The following AKAP12 variants were observed in gnomAD, a reference collection of about 807,000 sequenced individuals.
AKAP12 encodes the protein A-kinase anchor protein 12.
In AKAP12, 32 loss-of-function variants were observed where a neutral mutation model predicts 79.9. That is an observed-to-expected ratio of 0.40 (90% CI 0.30 to 0.54). The LOEUF is 0.54. Ranked by LOEUF, AKAP12 falls within the 20% of genes least tolerant of loss-of-function variation. The pLI, the probability that AKAP12 is intolerant of heterozygous loss-of-function variation, is 0.48. For missense variants in AKAP12, 2,074 were observed against 2,177.0 expected (o/e 0.95, Z 0.94); for synonymous variants, 808 against 857.0 (o/e 0.94, Z 1.00).
chr6:151,293,121 A>G (rs1562724607), intron 2 of AKAP12, among the ~76,000 whole-genome samples: 1 of 151,838 alleles, frequency 6.6e-6, no homozygotes, highest in Non-Finnish European at 1.5e-5. Context: ...TTTCTGTGGC[A>G]CACAGTGGAT....
At chr6:151,329,262 C>T (rs965166576) in intron 3 of AKAP12, among the ~76,000 whole-genome samples, 11 of 152,158 alleles carry the variant, frequency 7.2e-5, no homozygotes, top group South Asian at 2.1e-4. Flanking sequence ...ATTACAGGCA[C>T]CTGCCACCAC....
intron 2 of AKAP12, among the ~76,000 whole-genome samples, chr6:151,302,617 C>T (rs376399341): frequency 1.3e-5 from 2 of 151,666 alleles, no homozygotes; most frequent in African/African-American, 4.8e-5. Flanking sequence ...CTTGGTAGAA[C>T]CCTAAACTCT....
intron 2 of AKAP12, among the ~76,000 whole-genome samples, chr6:151,292,554 C>G (rs1776644165): frequency 6.6e-6 from 1 of 152,214 alleles, no homozygotes; most frequent in Non-Finnish European, 1.5e-5. Context: ...ACCTCAGATT[C>G]AACCAACCAA....
chr6:151,306,614 A>G (rs1465287011), intron 3 of AKAP12, among the ~76,000 whole-genome samples: 1 of 152,214 alleles, frequency 6.6e-6, no homozygotes, highest in Non-Finnish European at 1.5e-5. Context: ...TTCGTGTAAT[A>G]TGAATAAGAG....
chr6:151,340,016 T>C (rs1391765661), intron 3 of AKAP12, among the ~76,000 whole-genome samples: 1 of 152,006 alleles, frequency 6.6e-6, no homozygotes, highest in African/African-American at 2.4e-5. Context: ...GAGCCCCGTC[T>C]CCCGGGTTCA....
chr6:151,240,645 G>A lies in AKAP12; in HGVS notation c.83G>A (p.Ser28Asn). The stretch of plus-strand genomic sequence containing the variant: ...TCCACGCCGGCTGAGCCCGAGCCCA[G>A]CGGCGGCGGCCCCTCGGCCGAGGCG... ...GSSTPAEPEP[S>N]GGGPSAEAAP... The change falls in exon 2 of 5, where the codon AGC becomes AAC. Residue 28 changes from serine (S) to asparagine (N), a missense_variant. By Grantham distance (46) the Ser-to-Asn change is conservative. Coordinates refer to ENST00000402676, the MANE Select transcript of AKAP12 (RefSeq NM_005100.4). 1 of 1,339,264 alleles carries A rather than the reference G, an allele frequency of 7.5e-7. No individual in the cohort carries two copies. The highest frequency in any genetic ancestry group is 1.9e-5 in the South Asian group (1 of 52,708). The allele number at this position is 1,339,264 out of a possible 1,614,324, so 83.0% of individuals were successfully genotyped here. A position where few individuals can be genotyped will look rare whatever the true frequency, so the allele number is the denominator to read the frequency against.
chr6:151,279,151 G>A (rs1206973793), intron 2 of AKAP12, among the ~76,000 whole-genome samples: 2 of 151,886 alleles, frequency 1.3e-5, no homozygotes, highest in Non-Finnish European at 2.9e-5. Context: ...TGGCCTGGAG[G>A]GCTCACACCC....
intron 2 of AKAP12, among the ~76,000 whole-genome samples, chr6:151,281,841 C>T (rs944572728): frequency 3.3e-5 from 5 of 151,776 alleles, no homozygotes; most frequent in African/African-American, 4.8e-5. Context: ...CTACACCATA[C>T]CCTCCCTTCC....
chr6:151,247,107 A>G (rs942826935), intron 2 of AKAP12, among the ~76,000 whole-genome samples: 4 of 151,584 alleles, frequency 2.6e-5, no homozygotes, highest in South Asian at 4.2e-4. Context: ...TAATTTTTAA[A>G]GATTTTTTTT....
rs1194538241 is a variant in AKAP12, at chr6:151,353,457, A to C, written c.5066A>C (p.Glu1689Ala). The change falls in exon 4 of 5, where the codon GAG (glutamate) becomes GCG (alanine). Residue 1689 changes from glutamate to alanine, a missense_variant. This residue lies in a region of AKAP12 where 614 missense variants were observed against 665.6 expected (regional missense o/e 0.92). Coordinates refer to ENST00000402676, the MANE Select transcript of AKAP12 (RefSeq NM_005100.4). ...CATGCCTTGTTAGCAGAAAGAATAG[A>C]GAAGTCACTAGTTGAACCGAAAGAA... is the stretch of plus-strand genomic sequence containing the variant. ...DGHALLAERIEKSLVEPKEDE... is the reference protein window; with the variant it reads ...DGHALLAERIAKSLVEPKEDE... 1.2e-6 allele frequency: 2 copies of C among 1,614,204 alleles called. No homozygotes were observed. Among genetic ancestry groups the C allele is most frequent in the East Asian group, 2.2e-5 (1 of 44,884 alleles).
At chr6:151,300,721 CTT>C (rs201751693) in intron 2 of AKAP12, among the ~76,000 whole-genome samples, 1 of 141,550 alleles carries the variant, frequency 7.1e-6, no homozygotes, top group African/African-American at 2.6e-5. Context: ...TTTTTAGGGT[CTT>C]TTTTTTTTTT....
rs201684944 is a variant in AKAP12, at chr6:151,350,807, T to G, written c.2416T>G (p.Ser806Ala). 6.2e-7 allele frequency: 1 copy of G among 1,613,930 alleles called. No individual in the cohort carries two copies. The highest frequency in any genetic ancestry group is 1.3e-5 in the African/African-American group (1 of 74,910). ...ACCCGGTAAAGAAGAATCCTGGGTC[T>G]CAATCAAGAAGTTTATTCCTGGACG... Reference protein sequence around the residue: ...TEPGKEESWVSIKKFIPGRRK... With the variant: ...TEPGKEESWVAIKKFIPGRRK... The change falls in exon 4 of 5, where the codon TCA becomes GCA. Residue 806 changes from serine to alanine, a missense_variant. By Grantham distance (99) the Ser-to-Ala change is moderately conservative. Transcript: ENST00000402676. This position sits in a 1 kb window ranked among gnomAD's most constrained non-coding sequence, Gnocchi z 4.8.
intron 3 of AKAP12, among the ~76,000 whole-genome samples, chr6:151,336,027 T>G (rs1777803637): frequency 6.6e-6 from 1 of 152,238 alleles, no homozygotes; most frequent in African/African-American, 2.4e-5. Flanking sequence ...CATTTTACTT[T>G]CTGTTTCTGA....
chr6:151,329,149 C>G (rs1462197450), intron 3 of AKAP12, among the ~76,000 whole-genome samples: 1 of 151,930 alleles, frequency 6.6e-6, no homozygotes, highest in Non-Finnish European at 1.5e-5. Flanking sequence ...AAGTCTCACT[C>G]TGTCACCCAG....
At chr6:151,344,528 T>C (rs1333411764) in intron 3 of AKAP12, among the ~76,000 whole-genome samples, 1 of 152,122 alleles carries the variant, frequency 6.6e-6, no homozygotes, top group Non-Finnish European at 1.5e-5. Flanking sequence ...TTGTTGTTGT[T>C]GTTGTTGTCT....
chr6:151,278,986 T>G (rs1187040481), intron 2 of AKAP12, among the ~76,000 whole-genome samples: 1 of 152,252 alleles, frequency 6.6e-6, no homozygotes, highest in African/African-American at 2.4e-5. Flanking sequence ...AGTTCTTAAC[T>G]TAGCATAGAA....
rs1778200795 is a variant in AKAP12 at position 151,349,111 on chromosome 6, A to G, written c.720A>G (p.Glu240=). ...CCAAACAATCTACAGAGAAACCCGA[A>G]GAGACCCTGAAGCGTGAGCAAAGCC... ...SEPKQSTEKP[E]ETLKREQSHA... The change falls in exon 4 of 5, where the codon GAA becomes GAG. Residue 240 remains glutamate (E), a synonymous_variant. Coordinates refer to ENST00000402676, the MANE Select transcript of AKAP12 (RefSeq NM_005100.4). 1 of 1,613,164 alleles carries G rather than the reference A, an allele frequency of 6.2e-7. No individual in the cohort carries two copies. The highest frequency in any genetic ancestry group is 1.3e-5 in the African/African-American group (1 of 74,764).
At chr6:151,292,962 T>G (rs911589368) in intron 2 of AKAP12, among the ~76,000 whole-genome samples, 3 of 152,202 alleles carry the variant, frequency 2.0e-5, no homozygotes, top group African/African-American at 7.2e-5. Context: ...CTTCTGATAC[T>G]CCTATCTTAG....
chr6:151,288,224 A>AT (rs1246993427), intron 2 of AKAP12, among the ~76,000 whole-genome samples: 1 of 151,722 alleles, frequency 6.6e-6, no homozygotes, highest in African/African-American at 2.4e-5. Context: ...AAAAAAAAAA[A>AT]AGAATTATGG....
Sources: gnomAD v4.1 joint callset for allele counts (sites outside exome capture counted in the v4.1 genomes callset) on GRCh38, gnomAD v4.1.1 for gene constraint, gnomAD v4.1.1 regional missense constraint, Gnocchi (gnomAD v3.1) non-coding constraint, MANE v1.5 for transcripts, NCBI Gene and HGNC (gene_info 2026-07-23, HGNC 2026-07-21) for gene names.